The following UBAP2 variants were observed in gnomAD, a reference collection of about 807,000 sequenced individuals.
UBAP2 encodes ubiquitin-associated protein 2.
UBAP2 carries 75 observed loss-of-function variants against 139.6 expected under a neutral mutation model. The observed-to-expected ratio is 0.54, with a 90% confidence interval of 0.45 to 0.65. The LOEUF is 0.65. Among genes scored for constraint, UBAP2 ranks in the 30% least tolerant of loss-of-function variants. The pLI is 0.00. For missense variants in UBAP2, 1,368 were observed against 1,369.6 expected, an observed-to-expected ratio of 1.00 and a Z score of 0.02; for synonymous variants, 526 against 526.2, an observed-to-expected ratio of 1.00 and a Z score of 0.01.
intron 1 of UBAP2, among the ~76,000 whole-genome samples, chr9:34,032,032 C>G (rs1825935950): frequency 6.6e-6 from 1 of 151,882 alleles, no homozygotes; most frequent in South Asian, 2.1e-4. Context: ...GTGGTCCCAC[C>G]TCCTTGGGAG....
At chr9:33,983,121 G>A (rs563658453) in intron 6 of UBAP2, among the ~76,000 whole-genome samples, 1 of 151,944 alleles carries the variant, frequency 6.6e-6, no homozygotes, top group Non-Finnish European at 1.5e-5. Context: ...CTCGTGATCT[G>A]CTCGCCTCGG....
intron 1 of UBAP2, among the ~76,000 whole-genome samples, chr9:34,037,427 G>A (rs1293144353): frequency 5.3e-5 from 8 of 152,116 alleles, no homozygotes; most frequent in Non-Finnish European, 1.2e-4. Flanking sequence ...GAGCCACTGC[G>A]CCCAGCCCAT....
chr9:34,003,581 A>G (rs2095532232), intron 2 of UBAP2, among the ~76,000 whole-genome samples: 1 of 151,042 alleles, frequency 6.6e-6, no homozygotes, highest in Non-Finnish European at 1.5e-5. Flanking sequence ...AATTTTTACT[A>G]TTTTTAGTAC....
At chr9:33,999,930 C>CT (rs1369723533) in intron 2 of UBAP2, among the ~76,000 whole-genome samples, 1 of 149,014 alleles carries the variant, frequency 6.7e-6, no homozygotes, top group Non-Finnish European at 1.5e-5. Flanking sequence ...GAGTCACACT[C>CT]TGTCGCCCAG....
chr9:33,944,914 G>C (rs1407534746), intron 13 of UBAP2, among the ~76,000 whole-genome samples: 1 of 152,106 alleles, frequency 6.6e-6, no homozygotes, highest in Non-Finnish European at 1.5e-5. Flanking sequence ...ATACACACCT[G>C]ACCATTAGCT....
chr9:34,003,562 C>T (rs1822915590), intron 2 of UBAP2, among the ~76,000 whole-genome samples: 1 of 152,014 alleles, frequency 6.6e-6, no homozygotes, highest in African/African-American at 2.4e-5. Flanking sequence ...TTCGCCACCA[C>T]ACCCAGCTAA....
chr9:34,014,253 A>C (rs1824038718), intron 2 of UBAP2, among the ~76,000 whole-genome samples: 1 of 134,792 alleles, frequency 7.4e-6, no homozygotes, highest in African/African-American at 2.7e-5. Context: ...CCTGAACCCC[A>C]GAGGCGGAGG....
chr9:34,037,974 A>T (rs1164159567), intron 1 of UBAP2, among the ~76,000 whole-genome samples: 1 of 141,688 alleles, frequency 7.1e-6, no homozygotes, highest in Non-Finnish European at 1.5e-5. Context: ...CAGCCTGTGC[A>T]ATATGATGAA....
intron 10 of UBAP2, among the ~76,000 whole-genome samples, chr9:33,960,552 T>A (rs895331156): frequency 1.3e-4 from 20 of 151,880 alleles, no homozygotes; most frequent in Admixed American, 2.6e-4. Flanking sequence ...GAGGCGGGTG[T>A]ATCACCTGAG....
At chr9:33,936,697 T>A (rs779538495) in intron 16 of UBAP2, among the ~76,000 whole-genome samples, 10 of 152,044 alleles carry the variant, frequency 6.6e-5, no homozygotes, top group Admixed American at 2.0e-4. Context: ...AATACCACTA[T>A]AGATCTCAGA....
intron 2 of UBAP2, among the ~76,000 whole-genome samples, chr9:34,007,805 AT>A (rs879738096): frequency 1.4e-4 from 21 of 150,530 alleles, no homozygotes; most frequent in African/African-American, 4.9e-4. Context: ...CTCCCGGCTA[AT>A]TTTTTTTTCC....
chr9:33,986,611 T>A, intron 6 of UBAP2, 149 bp downstream of exon 6: 1 of 735,712 alleles, frequency 1.4e-6, no homozygotes, highest in Non-Finnish European at 2.4e-6. Flanking sequence ...AATAGTTCAT[T>A]TACAGGCATC....
chr9:33,981,522 A>ATT (rs573700457), intron 6 of UBAP2, among the ~76,000 whole-genome samples: 27 of 143,346 alleles, frequency 1.9e-4, no homozygotes, highest in African/African-American at 4.1e-4. Flanking sequence ...TGCCCGGCTA[A>ATT]TTTTTTTTTT....
At chr9:33,987,422 C>A (rs1452425032) in intron 5 of UBAP2, among the ~76,000 whole-genome samples, 1 of 151,742 alleles carries the variant, frequency 6.6e-6, no homozygotes, top group East Asian at 1.9e-4. Flanking sequence ...AGAAAAAATA[C>A]AACATACAAA....
chr9:33,947,900 T>G (rs182067640), intron 13 of UBAP2, among the ~76,000 whole-genome samples: 85 of 150,424 alleles, frequency 5.7e-4, no homozygotes, highest in African/African-American at 2.0e-3. Context: ...ATAATCCCAG[T>G]TACTCAGAAG....
In UBAP2 at chr9:34,040,299, G is replaced by A. The variant is rs894394045; in HGVS notation, c.-42+8526C>T. On this transcript the variant is annotated intron_variant, in intron 1 of 28. Transcript: ENST00000379238. The stretch of plus-strand genomic sequence containing the variant: ...AGCCCACGCCATTGCACTCCAGCCT[G>A]GGTGACAGAATGAGACTCTGTCTCA... Among the ~76,000 whole-genome samples the A allele has an allele frequency of 6.6e-5, 9 of 136,908 alleles. No individual in the cohort carries two copies. In the Admixed American group the frequency reaches 7.5e-4, roughly 11 times the overall value. The allele number at this position is 136,908 out of a possible 152,430, so 89.8% of individuals were successfully genotyped here. A position where few individuals can be genotyped will look rare whatever the true frequency, so the allele number is the denominator to read the frequency against.
At chr9:33,930,629 G>T (rs950105468) in intron 19 of UBAP2, among the ~76,000 whole-genome samples, 3 of 152,128 alleles carry the variant, frequency 2.0e-5, no homozygotes, top group African/African-American at 7.2e-5. Flanking sequence ...CGGGCGCGGT[G>T]GTTCACGCCT....
rs370228452 is a variant in UBAP2, at chr9:33,953,265, C to T, written c.1056+20G>A. 3 of 1,600,398 alleles carry T rather than the reference C, an allele frequency of 1.9e-6. No individual in the cohort carries two copies. Among genetic ancestry groups the T allele is most frequent in the Non-Finnish European group, 1.7e-6 (2 of 1,172,672 alleles). On this transcript the variant is annotated intron_variant, in intron 12 of 28. Coordinates refer to ENST00000379238, the MANE Select transcript of UBAP2 (RefSeq NM_001370062.2). ...TGGGTATATTTCTTAAAATCCCACA[C>T]TGAAATAAAAGTGAGTTACCAGGCT...
chr9:33,962,414 G>A (rs1315638482), intron 9 of UBAP2, among the ~76,000 whole-genome samples: 6 of 152,004 alleles, frequency 3.9e-5, no homozygotes, highest in South Asian at 2.1e-4. Flanking sequence ...TTGGGAGGCC[G>A]AGGTGGGTGG....
Sources: gnomAD v4.1 joint callset for allele counts (sites outside exome capture counted in the v4.1 genomes callset) on GRCh38, gnomAD v4.1.1 for gene constraint, MANE v1.5 for transcripts, NCBI Gene and HGNC (gene_info 2026-07-23, HGNC 2026-07-21) for gene names.